CFAP65: variants seen among roughly 807,000 people sequenced by gnomAD.
CFAP65 encodes cilia- and flagella-associated protein 65.
Under a neutral mutation model 208.0 loss-of-function variants are expected in CFAP65, and 155 were observed. The ratio of observed to expected loss-of-function variants is 0.75; its 90% CI spans 0.65 to 0.85. CFAP65 has a LOEUF of 0.85. Ranked by LOEUF, CFAP65 falls within the 40% of genes least tolerant of loss-of-function variation. The pLI, the probability that CFAP65 is intolerant of heterozygous loss-of-function variation, is 0.00. For missense variants in CFAP65, 2,294 were observed against 2,451.3 expected (o/e 0.94, Z 1.36); for synonymous variants, 970 against 986.3 (o/e 0.98, Z 0.31).
chr2:219,008,145 T>C (rs911972953), intron 29 of CFAP65, among the ~76,000 whole-genome samples: 1 of 152,108 alleles, frequency 6.6e-6, no homozygotes, highest in African/African-American at 2.4e-5. Flanking sequence ...ACCTTTTTAA[T>C]ATGGAAAATT....
chr2:219,008,368 C>T (rs1287420473), intron 29 of CFAP65, among the ~76,000 whole-genome samples: 3 of 152,186 alleles, frequency 2.0e-5, no homozygotes, highest in Admixed American at 1.3e-4. Flanking sequence ...GATCACAGAG[C>T]TAGAAATCAT....
In CFAP65 at chr2:219,038,540, C is replaced by A; in HGVS notation, c.192G>T (p.Lys64Asn). 6.2e-7 allele frequency: 1 copy of A among 1,614,166 alleles called. No individual in the cohort carries two copies. The highest frequency in any genetic ancestry group is 1.3e-5 in the African/African-American group (1 of 75,064). The change falls in exon 4 of 35, where the codon AAG (lysine) becomes AAT (asparagine). Residue 64 changes from lysine to asparagine, a missense_variant. By Grantham distance (94) the Lys-to-Asn change is moderately conservative. Around this residue, in one of 2 missense-constraint regions of CFAP65, gnomAD observed 867 missense variants for 1,012.6 expected, o/e 0.86. Coordinates refer to ENST00000341552, the MANE Select transcript of CFAP65 (RefSeq NM_194302.4). ...TTGGAGCCTGGGTGAGCATCATGTCCTTGGGACACAGTCCAAAGGGAGCAC... is the reference window on the plus strand; with the variant it reads ...TTGGAGCCTGGGTGAGCATCATGTCATTGGGACACAGTCCAAAGGGAGCAC... ...TQSAPFGLCP[K>N]DMMLTQAPSS...
intron 13 of CFAP65, chr2:219,027,345 C>G: frequency 1.4e-6 from 2 of 1,448,190 alleles, no homozygotes; most frequent in South Asian, 1.5e-5. Context: ...TAGGAGGCCT[C>G]CTAGCCAGGA....
intron 14 of CFAP65, among the ~76,000 whole-genome samples, chr2:219,024,639 G>A (rs1405690230): frequency 6.6e-6 from 1 of 152,206 alleles, no homozygotes; most frequent in African/African-American, 2.4e-5. Flanking sequence ...TGGGGCTGCA[G>A]TAAGTAACCA....
rs1456155873 is a variant in CFAP65, at chr2:219,023,357, G to A, written c.2670C>T (p.Pro890=). The change falls in exon 16 of 35, where the codon CCC becomes CCT. Residue 890 remains proline, a synonymous_variant. Coordinates refer to ENST00000341552, the MANE Select transcript of CFAP65 (RefSeq NM_194302.4). ...LDTHKSLYFK[P]TWVGCSSTSP... ...TGGTGGAGGAGCAGCCCACCCAGGT[G>A]GGCTTGAAGTAGAGGCTTTTGTGGG... 2 of 1,609,158 alleles carry A rather than the reference G, an allele frequency of 1.2e-6. No individual in the cohort carries two copies. Among genetic ancestry groups the A allele is most frequent in the Non-Finnish European group, 8.5e-7 (1 of 1,178,160 alleles).
intron 11 of CFAP65, among the ~76,000 whole-genome samples, 179 bp downstream of exon 11, chr2:219,029,224 T>G (rs1947853409): frequency 6.6e-6 from 1 of 152,230 alleles, no homozygotes; most frequent in Non-Finnish European, 1.5e-5. Flanking sequence ...TGATCTGCCC[T>G]GTGCCCAGGC....
chr2:219,013,417 C>G (rs1486985742), intron 23 of CFAP65, 48 bp from the exon 24 acceptor site: 1 of 1,552,616 alleles, frequency 6.4e-7, no homozygotes, highest in African/African-American at 1.4e-5. Flanking sequence ...CAGTGGAGAT[C>G]TGGACCCCAG....
Position 219,003,366 on chromosome 2 carries a change from A to C in CFAP65, c.5556-94T>G. On this transcript the variant is annotated intron_variant, in intron 33 of 34. Coordinates refer to ENST00000341552, the MANE Select transcript of CFAP65 (RefSeq NM_194302.4). The surrounding 1 kb of genome is among the most constrained non-coding windows in gnomAD (Gnocchi z 4.4). ...TGCGGTACATTGTGCCGCGAGCTCT[A>C]CGGAGATTCCCATTCGACTCCCCTC... The C allele has an allele frequency of 1.4e-6, 2 of 1,409,240 alleles. No individual in the cohort carries two copies. The highest frequency in any genetic ancestry group is 5.1e-5 in the East Asian group (2 of 39,060). The allele number at this position is 1,409,240 out of a possible 1,614,324, so 87.3% of individuals were successfully genotyped here.
chr2:219,035,213 G>A (rs1318170999), intron 5 of CFAP65: 34 of 1,048,332 alleles, frequency 3.2e-5, no homozygotes, highest in Non-Finnish European at 4.3e-5. Flanking sequence ...ATACACGAAT[G>A]CCAACAGTCC....
At position 219,035,583 on chromosome 2, in the gene CFAP65, C is replaced by G; in HGVS notation, c.439G>C (p.Val147Leu). The G allele has an allele frequency of 6.2e-7, 1 of 1,614,118 alleles. No individual in the cohort carries two copies. Among genetic ancestry groups the G allele is most frequent in the Non-Finnish European group, 8.5e-7 (1 of 1,180,030 alleles). ...CCTTTCCAATGCAGCTCCTCAGCCA[C>G]CTCAATGCCCCAGATGACCCTCTTG... is the stretch of plus-strand genomic sequence containing the variant. The part of the protein sequence containing the change: ...VNKRVIWGIE[V>L]AEELHWKGWE... Residue 147 changes from valine to leucine, a missense_variant, in exon 5 of 35, where the codon GTG becomes CTG. Val to Leu is a conservative substitution (Grantham distance 32). Around this residue, in one of 2 missense-constraint regions of CFAP65, gnomAD observed 867 missense variants for 1,012.6 expected, o/e 0.86. Coordinates refer to ENST00000341552, the MANE Select transcript of CFAP65 (RefSeq NM_194302.4).
chr2:219,021,219 C>T lies in CFAP65; in HGVS notation c.3192G>A (p.Leu1064=). Residue 1064 remains leucine (L), a synonymous_variant, in exon 19 of 35, where the codon CTG becomes CTA. Transcript: ENST00000341552. ...MPPRSQDTIC[L]TACPKQRSQY... is the part of the protein sequence containing the mutation. ...GGGACCGCTGCTTGGGACAGGCAGT[C>T]AGGCAGATGGTGTCCTGGGACCGGG... is the stretch of plus-strand genomic sequence containing the variant. 6.2e-7 allele frequency: 1 copy of T among 1,608,682 alleles called. No individual in the cohort carries two copies. Among genetic ancestry groups the T allele is most frequent in the Non-Finnish European group, 8.5e-7 (1 of 1,177,258 alleles).
rs142076391 is a variant in CFAP65 at position 219,038,470 on chromosome 2, A to G, written c.262T>C (p.Ser88Pro). The change falls in exon 4 of 35, where the codon TCT (serine) becomes CCT (proline). Residue 88 changes from serine (S) to proline (P), a missense_variant. Ser to Pro is a moderately conservative substitution (Grantham distance 74). Transcript: ENST00000341552. ...SRNSRNHTVNSGGSCLSASTV... is the reference protein window; with the variant it reads ...SRNSRNHTVNPGGSCLSASTV... ...CTGGCACTCAGGCAGGATCCACCAG[A>G]GTTCACGGTGTGGTTCCTGCTGTTC... 2.7e-4 allele frequency: 429 copies of G among 1,614,002 alleles called. No homozygotes were observed. Among genetic ancestry groups the G allele is most frequent in the Non-Finnish European group, 3.4e-4 (401 of 1,180,040 alleles).
At chr2:219,034,489 G>A (rs1159049187) in intron 5 of CFAP65, 1 of 152,070 alleles carries the variant, frequency 6.6e-6, no homozygotes, top group Non-Finnish European at 1.5e-5. Flanking sequence ...CTTAGGAGAA[G>A]CATAAAAAAG....
At position 219,032,590 on chromosome 2, in the gene CFAP65, T is replaced by C. The variant is rs780448011; in HGVS notation, c.543-18A>G. On this transcript the variant is annotated intron_variant, in intron 5 of 34. Coordinates refer to ENST00000341552, the MANE Select transcript of CFAP65 (RefSeq NM_194302.4). This position sits in a 1 kb window ranked among gnomAD's most constrained non-coding sequence, Gnocchi z 5.5. Reference sequence around the variant, plus strand: ...TGGGGGGCCTGCAGGAGAGAGCCGGTGGGGAGCACCTCAGATCAGGGCTCA... The same window carrying C: ...TGGGGGGCCTGCAGGAGAGAGCCGGCGGGGAGCACCTCAGATCAGGGCTCA... The C allele has an allele frequency of 1.3e-6, 2 of 1,573,634 alleles. No homozygotes were observed. Among genetic ancestry groups the C allele is most frequent in the South Asian group, 1.2e-5 (1 of 85,838 alleles).
In CFAP65 at chr2:219,010,716, G is replaced by C; in HGVS notation, c.4150-12C>G. The C allele has an allele frequency of 6.2e-7, 1 of 1,600,310 alleles. No individual in the cohort carries two copies. Among genetic ancestry groups the C allele is most frequent in the Non-Finnish European group, 8.5e-7 (1 of 1,173,088 alleles). ...ATGGGCACGTCCACCTGGGGAGTTA[G>C]GAGGGTGGGGGTAGGGACTGGTCAG... On this transcript the variant is annotated splice_polypyrimidine_tract_variant and intron_variant, in intron 25 of 34. Coordinates refer to ENST00000341552, the MANE Select transcript of CFAP65 (RefSeq NM_194302.4).
At chr2:219,033,509 A>G (rs1185226664) in intron 5 of CFAP65, among the ~76,000 whole-genome samples, 1 of 151,714 alleles carries the variant, frequency 6.6e-6, no homozygotes, top group Non-Finnish European at 1.5e-5. Context: ...GAAAGAAAAG[A>G]AAGAGAAAGA....
At position 219,004,460 on chromosome 2, in the gene CFAP65, G is replaced by A. The variant is rs776142812; in HGVS notation, c.5052-5C>T. On this transcript the variant is annotated splice_polypyrimidine_tract_variant and splice_region_variant and intron_variant, in intron 32 of 34. Coordinates refer to ENST00000341552, the MANE Select transcript of CFAP65 (RefSeq NM_194302.4). This position sits in a 1 kb window ranked among gnomAD's most constrained non-coding sequence, Gnocchi z 4.7. ...TTCTTGTCTTCCAGCAGGCCCCTAG[G>A]TGGCAGGGAGAAGGAGAAGGCCCTT... The A allele has an allele frequency of 1.1e-5, 18 of 1,598,348 alleles. No individual in the cohort carries two copies. Among genetic ancestry groups the A allele is most frequent in the Non-Finnish European group, 1.3e-5 (15 of 1,172,406 alleles).
chr2:219,003,103 G>A lies in CFAP65; in HGVS notation c.5693+32C>T, dbSNP rs899583835. ...CTGCCCCCGTGGCCCCTCTCGCGCG[G>A]TCTGCGCGGCCGCTGGTCCCGGCGC... is the stretch of plus-strand genomic sequence containing the variant. On this transcript the variant is annotated intron_variant, in intron 34 of 34. Coordinates refer to ENST00000341552, the MANE Select transcript of CFAP65 (RefSeq NM_194302.4). The surrounding 1 kb of genome is among the most constrained non-coding windows in gnomAD (Gnocchi z 4.4). 4 of 1,543,832 alleles carry A rather than the reference G, an allele frequency of 2.6e-6. No homozygotes were observed. Among genetic ancestry groups the A allele is most frequent in the Non-Finnish European group, 3.5e-6 (4 of 1,142,100 alleles).
intron 11 of CFAP65, 60 bp downstream of exon 11, chr2:219,029,343 C>T (rs1008360863): frequency 1.2e-5 from 18 of 1,563,274 alleles, no homozygotes; most frequent in African/African-American, 1.4e-5. Flanking sequence ...GCCTTGTCAT[C>T]ATCAGTGGGC....
Sources: gnomAD v4.1 joint callset for allele counts (sites outside exome capture counted in the v4.1 genomes callset) on GRCh38, gnomAD v4.1.1 for gene constraint, gnomAD v4.1.1 regional missense constraint, Gnocchi (gnomAD v3.1) non-coding constraint, MANE v1.5 for transcripts, NCBI Gene and HGNC (gene_info 2026-07-23, HGNC 2026-07-21) for gene names.